The following CFH variants were observed in gnomAD, a reference collection of about 807,000 sequenced individuals.
The protein encoded by CFH is H factor 1 (complement).
Under a neutral mutation model 147.3 loss-of-function variants are expected in CFH, and 53 were observed. The observed-to-expected ratio is 0.36, with a 90% CI of 0.29 to 0.45. The LOEUF is 0.45. CFH is among the 20% of genes least tolerant of loss of function. CFH has a pLI of 1.00. For missense variants in CFH, 1,380 were observed against 1,498.0 expected (o/e 0.92, Z 1.30); for synonymous variants, 536 against 489.4 (o/e 1.10, Z -1.26).
rs1254026749 is a variant in CFH at position 196,726,662 on chromosome 1, A to C, written c.2056+10A>C. The C allele has an allele frequency of 1.9e-6, 3 of 1,606,478 alleles. No individual in the cohort carries two copies. In the African/African-American group the frequency reaches 4.0e-5, roughly 21 times the overall value. On this transcript the variant is annotated intron_variant, in intron 13 of 21. Coordinates refer to ENST00000367429, the MANE Select transcript of CFH (RefSeq NM_000186.4). ...TTACCAGTGTGTATTGGTAATGTAT[A>C]AAATATTAATATTTAAACTTGTCAA...
At chr1:196,716,932 C>G (rs35661772) in intron 11 of CFH, among the ~76,000 whole-genome samples, 1 of 151,700 alleles carries the variant, frequency 6.6e-6, no homozygotes, top group Non-Finnish European at 1.5e-5. Context: ...ATATGCATTT[C>G]GGAATATCAT....
In CFH at chr1:196,655,726, C is replaced by T. The variant is rs866553036; in HGVS notation, c.58+3551C>T. 2.0e-5 allele frequency among the ~76,000 whole-genome samples: 3 copies of T among 152,282 alleles called. 1 individual carries two copies. Among genetic ancestry groups the T allele is most frequent in the Middle Eastern group, 6.8e-3 (2 of 294 alleles). ...TTTGAGATTCTGCCACCCAATCTAT[C>T]CCGTGCTCAGTTAACTAACGTGTAC... is the stretch of plus-strand genomic sequence containing the variant. On this transcript the variant is annotated intron_variant, in intron 1 of 21. Transcript: ENST00000367429.
At chr1:196,714,637 A>G (rs7413999) in intron 10 of CFH, among the ~76,000 whole-genome samples, 152 of 20,578 alleles carry the variant, frequency 7.4e-3, no homozygotes, top group African/African-American at 0.031. Flanking sequence ...GTATATATGT[A>G]TATATATATA....
At position 196,673,951 on chromosome 1, in the gene CFH, A is replaced by G. The variant is rs1558154871; in HGVS notation, c.339A>G (p.Thr113=). ...AATATGGTGTAAAAGCTGTGTATACATGTAATGAGGGGTATGTAGTCCATA... is the reference window on the plus strand; with the variant it reads ...AATATGGTGTAAAAGCTGTGTATACGTGTAATGAGGGGTATGTAGTCCATA... ...VFEYGVKAVY[T]CNEGYQLLGE... Residue 113 remains threonine (T), a synonymous_variant, in exon 3 of 22, where the codon ACA becomes ACG. Transcript: ENST00000367429. The G allele has an allele frequency of 1.2e-6, 2 of 1,608,774 alleles. No homozygotes were observed. Among genetic ancestry groups the G allele is most frequent in the Non-Finnish European group, 1.7e-6 (2 of 1,175,272 alleles).
intron 12 of CFH, among the ~76,000 whole-genome samples, chr1:196,725,949 A>G (rs139612353): frequency 1.3e-5 from 2 of 152,324 alleles, no homozygotes; most frequent in East Asian, 1.9e-4. Flanking sequence ...CTAGTGGCTG[A>G]CAATGGAGGG....
rs1280516499 is a variant in CFH at position 196,742,591 on chromosome 1, C to T, written c.3133+540C>T. ...AGCTCAATAGTTCTCAAAGTGTGGTCGCTAAACCGGTAGCATCATCATCTT... is the reference window on the plus strand; with the variant it reads ...AGCTCAATAGTTCTCAAAGTGTGGTTGCTAAACCGGTAGCATCATCATCTT... On this transcript the variant is annotated intron_variant, in intron 19 of 21. Coordinates refer to ENST00000367429, the MANE Select transcript of CFH (RefSeq NM_000186.4). 2.0e-5 allele frequency among the ~76,000 whole-genome samples: 3 copies of T among 151,994 alleles called. No homozygotes were observed. The East Asian group carries it at 5.8e-4, about 29-fold the overall frequency.
chr1:196,715,825 AATTTTAAAAATTTGAATTATATAG>A, intron 11 of CFH, 56 bp downstream of exon 11: 1 of 1,460,206 alleles, frequency 6.8e-7, no homozygotes. Flanking sequence ...TCTGTTTTCC[AATTTTAAAAATTTGAATTATATAG>A]AGGAATTGTT....
chr1:196,726,973 A>G (rs370679716), intron 14 of CFH, 33 bp downstream of exon 14: 57 of 1,579,066 alleles, frequency 3.6e-5, no homozygotes, highest in Non-Finnish European at 4.5e-5. Context: ...AACATTTAAC[A>G]AAGTTTAATA....
At chr1:196,675,857 C>A in intron 3 of CFH, 132 bp from the exon 4 acceptor site, 2 of 566,268 alleles carry the variant, frequency 3.5e-6, no homozygotes, top group South Asian at 5.4e-5. Flanking sequence ...AAACAAGAAA[C>A]AAGAAACAAG....
chr1:196,677,689 A>C, intron 5 of CFH, 22 bp downstream of exon 5: 1 of 1,604,384 alleles, frequency 6.2e-7, no homozygotes, highest in Non-Finnish European at 8.5e-7. Flanking sequence ...TTACTGTTTT[A>C]GTATTTTTAG....
intron 9 of CFH, among the ~76,000 whole-genome samples, chr1:196,697,399 GA>G: frequency 6.6e-6 from 1 of 152,300 alleles, no homozygotes; most frequent in South Asian, 2.1e-4. Context: ...AAAGACACAT[GA>G]AAAAATGCTC....
chr1:196,704,244 G>A (rs1668531894), intron 9 of CFH, among the ~76,000 whole-genome samples: 1 of 151,920 alleles, frequency 6.6e-6, no homozygotes, highest in South Asian at 2.1e-4. Flanking sequence ...ACAGGCGTGT[G>A]CCACCACAGC....
At chr1:196,716,680 T>A (rs918613404) in intron 11 of CFH, among the ~76,000 whole-genome samples, 4 of 152,008 alleles carry the variant, frequency 2.6e-5, no homozygotes, top group Admixed American at 2.6e-4. Context: ...ACAGGTGATG[T>A]TACTAAATGT....
intron 20 of CFH, among the ~76,000 whole-genome samples, chr1:196,745,017 A>G (rs1212248631): frequency 6.6e-6 from 1 of 152,220 alleles, no homozygotes; most frequent in Non-Finnish European, 1.5e-5. Context: ...CCACATGGTT[A>G]TAGATGAAAA....
chr1:196,671,811 T>C (rs1667291169), intron 1 of CFH, among the ~76,000 whole-genome samples: 1 of 149,738 alleles, frequency 6.7e-6, no homozygotes. Context: ...TTCTGCTGTT[T>C]TGACTCTGTT....
At chr1:196,740,934 C>A in intron 18 of CFH, 142 bp downstream of exon 18, 2 of 839,620 alleles carry the variant, frequency 2.4e-6, no homozygotes, top group Non-Finnish European at 3.9e-6. Flanking sequence ...GAAATTATAG[C>A]TGTAGTAATT....
chr1:196,747,197 G>C lies in CFH; in HGVS notation c.3580G>C (p.Gly1194Arg), dbSNP rs267598268. The change falls in exon 22 of 22, where the codon GGT becomes CGT. Residue 1194 changes from glycine to arginine, a missense_variant. By Grantham distance (125) the Gly-to-Arg change is moderately radical. Coordinates refer to ENST00000367429, the MANE Select transcript of CFH (RefSeq NM_000186.4). ...CAAACAGAAGCTTTATTCGAGAACA[G>C]GTGAATCAGTTGAATTTGTGTGTAA... ...TAKQKLYSRT[G>R]ESVEFVCKRG... 1.9e-6 allele frequency: 3 copies of C among 1,613,852 alleles called. No homozygotes were observed. Among genetic ancestry groups the C allele is most frequent in the Non-Finnish European group, 2.5e-6 (3 of 1,179,848 alleles).
At position 196,682,954 on chromosome 1, in the gene CFH, A is replaced by G. The variant is rs556110227; in HGVS notation, c.791-2110A>G. On this transcript the variant is annotated intron_variant, in intron 6 of 21. Coordinates refer to ENST00000367429, the MANE Select transcript of CFH (RefSeq NM_000186.4). The stretch of plus-strand genomic sequence containing the variant: ...GTATGGTATTGAGAAGAGGAAATAT[A>G]TAATGAATAATTAAAACTTTATAAA... Among the ~76,000 whole-genome samples, 12 of 148,114 alleles carry G rather than the reference A, an allele frequency of 8.1e-5. No individual in the cohort carries two copies. In the South Asian group the frequency reaches 2.4e-3, roughly 29 times the overall value.
In CFH at chr1:196,704,569, G is replaced by T. The variant is rs570050901; in HGVS notation, c.1337-9166G>T. Reference sequence around the variant, plus strand: ...CCTGAAGAGATACTCCAAAAGGTTAGTCCGGAAACATGGGCAGATGGGAGG... The same window carrying T: ...CCTGAAGAGATACTCCAAAAGGTTATTCCGGAAACATGGGCAGATGGGAGG... On this transcript the variant is annotated intron_variant, in intron 9 of 21. Transcript: ENST00000367429. 2.2e-4 allele frequency among the ~76,000 whole-genome samples: 34 copies of T among 152,338 alleles called. No homozygotes were observed. The South Asian group carries it at 7.0e-3, about 32-fold the overall frequency.
Sources: gnomAD v4.1 joint callset for allele counts (sites outside exome capture counted in the v4.1 genomes callset) on GRCh38, gnomAD v4.1.1 for gene constraint, MANE v1.5 for transcripts, NCBI Gene and HGNC (gene_info 2026-07-23, HGNC 2026-07-21) for gene names.